The following TMEM132B variants were observed in gnomAD, a reference collection of about 807,000 sequenced individuals.
TMEM132B encodes transmembrane protein 132B.
Under a neutral mutation model 90.8 loss-of-function variants are expected in TMEM132B, and 18 were observed. The ratio of observed to expected loss-of-function variants is 0.20; its 90% CI spans 0.14 to 0.29. TMEM132B has a LOEUF of 0.29. TMEM132B is among the 10% of genes least tolerant of loss of function. The pLI, the probability that TMEM132B is intolerant of heterozygous loss-of-function variation, is 1.00. For missense variants in TMEM132B, 1,096 were observed against 1,326.8 expected (o/e 0.83, Z 2.70); for synonymous variants, 504 against 523.3 (o/e 0.96, Z 0.50).
intron 1 of TMEM132B, among the ~76,000 whole-genome samples, chr12:125,194,688 G>A (rs998762973): frequency 2.1e-5 from 3 of 143,248 alleles, no homozygotes; most frequent in African/African-American, 7.6e-5. Flanking sequence ...AGCAGAGGGG[G>A]CCAGGTCAGT....
intron 5 of TMEM132B, among the ~76,000 whole-genome samples, chr12:125,633,634 G>T (rs1210720449): frequency 2.0e-5 from 3 of 152,220 alleles, no homozygotes; most frequent in Admixed American, 1.3e-4. Context: ...GCTTTAGGGG[G>T]CACCCCAAGC....
chr12:125,495,729 G>A (rs756007119), intron 3 of TMEM132B, among the ~76,000 whole-genome samples: 1 of 152,178 alleles, frequency 6.6e-6, no homozygotes, highest in Non-Finnish European at 1.5e-5. Context: ...GCCTGGGCCT[G>A]CTCATCCCTT....
At position 125,445,223 on chromosome 12, in the gene TMEM132B, T is replaced by C. The variant is rs1880974037; in HGVS notation, c.1106+29546T>C. Among the ~76,000 whole-genome samples, 1 of 152,238 alleles carries C rather than the reference T, an allele frequency of 6.6e-6. No individual in the cohort carries two copies. The highest frequency in any genetic ancestry group is 2.4e-5 in the African/African-American group (1 of 41,462). ...TATTTCCACTTTTGGTAATTGTCTT[T>C]TCCCACTGATGGAAGTGAAGCTTTG... is the stretch of plus-strand genomic sequence containing the variant. On this transcript the variant is annotated intron_variant, in intron 3 of 8. Transcript: ENST00000682704. This position sits in a 1 kb window ranked among gnomAD's most constrained non-coding sequence, Gnocchi z 4.3.
At chr12:125,318,022 T>C (rs1355063119) in intron 1 of TMEM132B, among the ~76,000 whole-genome samples, 1 of 152,064 alleles carries the variant, frequency 6.6e-6, no homozygotes, top group Non-Finnish European at 1.5e-5. Context: ...AGTAGCAAAG[T>C]GAGTGGGTTA....
At chr12:125,241,296 A>G (rs1874059465) in intron 1 of TMEM132B, among the ~76,000 whole-genome samples, 1 of 152,186 alleles carries the variant, frequency 6.6e-6, no homozygotes, top group Non-Finnish European at 1.5e-5. Context: ...TCGAGATCTG[A>G]AAAAATGGGA....
intron 1 of TMEM132B, among the ~76,000 whole-genome samples, chr12:125,344,980 G>A (rs903378686): frequency 6.6e-6 from 1 of 152,136 alleles, no homozygotes; most frequent in African/African-American, 2.4e-5. Flanking sequence ...TGCTGACAAA[G>A]GCCTCCTTTT....
At chr12:125,425,411 G>A (rs365885) in intron 3 of TMEM132B, among the ~76,000 whole-genome samples, 97,200 of 152,006 alleles carry the variant, frequency 0.64, 32,800 homozygotes, top group East Asian at 0.83. Flanking sequence ...TTAACATCTT[G>A]CATTAGTGTG....
At chr12:125,238,076 G>T (rs1447599182) in intron 1 of TMEM132B, among the ~76,000 whole-genome samples, 3 of 152,156 alleles carry the variant, frequency 2.0e-5, no homozygotes, top group East Asian at 1.9e-4. Flanking sequence ...ACCAGACTTG[G>T]TTGTATTTGG....
At chr12:125,471,741 G>C (rs894552258) in intron 3 of TMEM132B, among the ~76,000 whole-genome samples, 3 of 152,160 alleles carry the variant, frequency 2.0e-5, no homozygotes, top group African/African-American at 7.2e-5. Flanking sequence ...ATTTCCAGAG[G>C]ACTATCAGAG....
intron 3 of TMEM132B, among the ~76,000 whole-genome samples, chr12:125,516,001 CCA>C (rs1883145315): frequency 6.6e-6 from 1 of 151,874 alleles, no homozygotes; most frequent in Admixed American, 6.6e-5. Context: ...CTCCTTTCTC[CCA>C]GACTCCTATG....
chr12:125,372,933 T>C (rs1878342046), intron 2 of TMEM132B, among the ~76,000 whole-genome samples: 1 of 152,206 alleles, frequency 6.6e-6, no homozygotes, highest in Non-Finnish European at 1.5e-5. Flanking sequence ...GCTCTTCCCT[T>C]ACCTGCCTGC....
chr12:125,294,017 C>T (rs537487759), intron 1 of TMEM132B, among the ~76,000 whole-genome samples: 233 of 152,378 alleles, frequency 1.5e-3, no homozygotes, highest in Middle Eastern at 0.01. Flanking sequence ...CTGAACCCAG[C>T]CTTGCAGCCA....
intron 1 of TMEM132B, among the ~76,000 whole-genome samples, chr12:125,284,360 A>G (rs1183422511): frequency 1.3e-5 from 2 of 152,182 alleles, no homozygotes; most frequent in African/African-American, 4.8e-5. Context: ...TCACTCGTTC[A>G]GCAACTATTT....
chr12:125,522,540 TG>T (rs1368683533), intron 4 of TMEM132B, among the ~76,000 whole-genome samples: 6 of 152,230 alleles, frequency 3.9e-5, no homozygotes, highest in Admixed American at 3.9e-4. Context: ...GCTTACTGAA[TG>T]GCAGACAAGT....
Position 125,407,426 on chromosome 12 carries a change from C to A in TMEM132B, c.960-8105C>A, listed in dbSNP as rs2136332638. On this transcript the variant is annotated intron_variant, in intron 2 of 8. Coordinates refer to ENST00000682704, the MANE Select transcript of TMEM132B (RefSeq NM_001366854.1). This position sits in a 1 kb window ranked among gnomAD's most constrained non-coding sequence, Gnocchi z 6.7. ...AAGATGCAGGTGTGTACTCACAGAG[C>A]AGGTTTCCTTTTGCCCAGCTAGGTG... 6.6e-6 allele frequency among the ~76,000 whole-genome samples: 1 copy of A among 152,316 alleles called. No individual in the cohort carries two copies. The highest frequency in any genetic ancestry group is 2.1e-4 in the South Asian group (1 of 4,818).
chr12:125,211,962 CA>C (rs1241007802), intron 1 of TMEM132B, among the ~76,000 whole-genome samples: 1 of 152,202 alleles, frequency 6.6e-6, no homozygotes, highest in African/African-American at 2.4e-5. Context: ...AAGGGAGACA[CA>C]AATGAACCTA....
chr12:125,430,557 C>G (rs1193337247), intron 3 of TMEM132B, among the ~76,000 whole-genome samples: 2 of 152,160 alleles, frequency 1.3e-5, no homozygotes, highest in African/African-American at 4.8e-5. Flanking sequence ...GAAGGTGGAG[C>G]TGGGTTGGTA....
At chr12:125,366,304 A>G (rs112435830) in intron 2 of TMEM132B, among the ~76,000 whole-genome samples, 1,792 of 152,194 alleles carry the variant, frequency 0.012, 12 homozygotes, top group South Asian at 0.024. Context: ...TTGATTCCAT[A>G]TTGTGGCTAC....
intron 3 of TMEM132B, among the ~76,000 whole-genome samples, chr12:125,457,084 C>T (rs1010319307): frequency 3.9e-5 from 6 of 152,084 alleles, no homozygotes; most frequent in Admixed American, 2.6e-4. Flanking sequence ...ACCTGCCCTT[C>T]GAAAGCTCAG....
Sources: allele counts gnomAD v4.1 joint callset (sites outside exome capture counted in the v4.1 genomes callset), GRCh38; gene constraint gnomAD v4.1.1; non-coding constraint Gnocchi (gnomAD v3.1); transcripts MANE v1.5; gene names NCBI Gene and HGNC (gene_info 2026-07-23, HGNC 2026-07-21).